LRRC37A2: variants seen among roughly 807,000 people sequenced by gnomAD.
LRRC37A2 encodes leucine-rich repeat-containing protein 37A2.
In LRRC37A2, 9 loss-of-function variants were observed where a neutral mutation model predicts 68.8. The ratio of observed to expected loss-of-function variants is 0.13; its 90% confidence interval spans 0.08 to 0.23. The LOEUF (loss-of-function observed/expected upper bound fraction) is 0.23. Ranked by LOEUF, LRRC37A2 falls within the 10% of genes least tolerant of loss-of-function variation. LRRC37A2 has a pLI of 1.00. For synonymous variants in LRRC37A2, 63 were observed against 367.6 expected, an observed-to-expected ratio of 0.17 and a Z score of 9.48; for missense variants, 168 against 950.4, an observed-to-expected ratio of 0.18 and a Z score of 10.82.
At chr17:47,004,423 C>T in the LRRC37A2 span, among the ~76,000 whole-genome samples, 2 of 152,246 alleles carry the variant, frequency 1.3e-5, no homozygotes, top group African/African-American at 4.8e-5. Context: ...CAGACATATG[C>T]TCCTTCCTTG....
the LRRC37A2 span, chr17:46,704,839 G>A: frequency 6.2e-7 from 1 of 1,600,822 alleles, no homozygotes. Context: ...CTTCTTTGGA[G>A]AATGATATCA....
At chr17:46,694,401 A>C in the LRRC37A2 span, 1 of 1,128,448 alleles carries the variant, frequency 8.9e-7, no homozygotes, top group Non-Finnish European at 1.2e-6. Flanking sequence ...TAATAGTAAT[A>C]ATAATAATGA....
the LRRC37A2 span, among the ~76,000 whole-genome samples, chr17:46,585,332 AAG>A: frequency 4.4e-3 from 286 of 65,040 alleles, 27 homozygotes; most frequent in South Asian, 0.067. Context: ...AAAAAAAAAA[AAG>A]AGAGAGAGAG....
the LRRC37A2 span, chr17:46,728,823 A>C: frequency 1.3e-6 from 2 of 1,495,032 alleles, no homozygotes; most frequent in African/African-American, 2.8e-5. Flanking sequence ...ATGTGTATCA[A>C]ATCCCTAAAC....
the LRRC37A2 span, chr17:46,851,806 C>T: frequency 1.5e-6 from 1 of 654,936 alleles, no homozygotes; most frequent in Non-Finnish European, 2.2e-6. The surrounding 1 kb of genome is among the most constrained non-coding windows in gnomAD (Gnocchi z 4.3). Context: ...CTCCCGCTGT[C>T]CTTGGCCCCG....
chr17:46,760,642 A>G, the LRRC37A2 span, among the ~76,000 whole-genome samples: 1 of 150,912 alleles, frequency 6.6e-6, no homozygotes, highest in Non-Finnish European at 1.5e-5. Flanking sequence ...TCAAAAAAAA[A>G]AAAAAAAAGA....
the LRRC37A2 span, among the ~76,000 whole-genome samples, chr17:46,656,073 C>T: frequency 2.7e-3 from 26 of 9,686 alleles, 1 homozygote; most frequent in Middle Eastern, 0.083. Context: ...TTTTGCCCCT[C>T]TCGCTATTAT....
At chr17:46,528,833 G>T in intron 6 of LRRC37A2, 1 of 658,522 alleles carries the variant, frequency 1.5e-6, no homozygotes, top group East Asian at 2.7e-5. Context: ...GAGGAGCTTG[G>T]TGTGGGGAGA....
the LRRC37A2 span, among the ~76,000 whole-genome samples, chr17:47,013,467 A>G: frequency 1.4e-4 from 22 of 152,218 alleles, no homozygotes; most frequent in African/African-American, 5.1e-4. Context: ...TACTTTGAGC[A>G]TTTTTAAAAT....
chr17:46,939,163 A>T, the LRRC37A2 span: 2 of 1,106,954 alleles, frequency 1.8e-6, no homozygotes, highest in Non-Finnish European at 2.2e-6. Context: ...GGCTCCTGAT[A>T]GGGTGGAGCA....
chr17:46,769,826 G>T, the LRRC37A2 span: 1 of 1,613,082 alleles, frequency 6.2e-7, no homozygotes, highest in Non-Finnish European at 8.5e-7. Context: ...GGCCGAGCGC[G>T]CGTCCGGCCT....
chr17:46,881,308 C>T, the LRRC37A2 span, among the ~76,000 whole-genome samples: 2 of 152,268 alleles, frequency 1.3e-5, no homozygotes, highest in African/African-American at 4.8e-5. Context: ...CTAACATGCT[C>T]CTTCTACCCA....
the LRRC37A2 span, among the ~76,000 whole-genome samples, chr17:46,945,973 C>A: frequency 1.3e-5 from 2 of 152,178 alleles, no homozygotes; most frequent in Non-Finnish European, 2.9e-5. Flanking sequence ...TTTCTTTTTT[C>A]CCCCTGTGGC....
the LRRC37A2 span, among the ~76,000 whole-genome samples, chr17:46,852,818 A>G: frequency 2.0e-5 from 3 of 152,146 alleles, no homozygotes; most frequent in Non-Finnish European, 2.9e-5. Flanking sequence ...TGCTTTGAAG[A>G]AGTAGCCAGG....
At chr17:46,980,022 C>A in the LRRC37A2 span, among the ~76,000 whole-genome samples, 2 of 152,110 alleles carry the variant, frequency 1.3e-5, no homozygotes, top group Non-Finnish European at 2.9e-5. Context: ...AACAGCGTAA[C>A]TTTCCCTAGC....
At chr17:47,036,070 C>A in the LRRC37A2 span, among the ~76,000 whole-genome samples, 1 of 151,966 alleles carries the variant, frequency 6.6e-6, no homozygotes, top group African/African-American at 2.4e-5. Flanking sequence ...GATATTAGAC[C>A]TTAACAGATA....
chr17:46,925,907 A>C, the LRRC37A2 span, among the ~76,000 whole-genome samples: 17 of 152,242 alleles, frequency 1.1e-4, no homozygotes, highest in Non-Finnish European at 2.1e-4. Flanking sequence ...TTTAATTTAG[A>C]TGAACTTTAT....
At chr17:46,973,670 G>C in the LRRC37A2 span, among the ~76,000 whole-genome samples, 208 of 152,212 alleles carry the variant, frequency 1.4e-3, no homozygotes, top group African/African-American at 4.8e-3. Flanking sequence ...GCCGAGCTGG[G>C]GTTTGCTGTC....
At chr17:46,829,415 C>A in the LRRC37A2 span, among the ~76,000 whole-genome samples, 9 of 152,202 alleles carry the variant, frequency 5.9e-5, no homozygotes, top group Non-Finnish European at 1.0e-4. Context: ...GGTGATCTAC[C>A]CGCCTCAGCC....
Sources: allele counts gnomAD v4.1 joint callset (sites outside exome capture counted in the v4.1 genomes callset), GRCh38; gene constraint gnomAD v4.1.1; non-coding constraint Gnocchi (gnomAD v3.1); transcripts MANE v1.5; gene names NCBI Gene and HGNC (gene_info 2026-07-23, HGNC 2026-07-21).